Variants in DOCK5 observed in about 807,000 individuals in gnomAD.
DOCK5 encodes the protein dedicator of cytokinesis protein 5.
DOCK5 carries 142 observed loss-of-function variants against 251.8 expected under a neutral mutation model. The ratio of observed to expected loss-of-function variants is 0.56; its 90% CI spans 0.49 to 0.65. DOCK5 has a LOEUF of 0.65. Among genes scored for constraint, DOCK5 ranks in the 30% least tolerant of loss-of-function variants. The pLI is 0.00. For synonymous variants in DOCK5, 842 were observed against 835.5 expected, an observed-to-expected ratio of 1.01 and a Z score of -0.13; for missense variants, 2,111 against 2,312.3, an observed-to-expected ratio of 0.91 and a Z score of 1.79.
intron 33 of DOCK5, 57 bp downstream of exon 33, chr8:25,368,782 T>G (rs971668933): frequency 2.2e-5 from 33 of 1,520,194 alleles, no homozygotes; most frequent in Non-Finnish European, 2.9e-5. Context: ...AAATCATAAC[T>G]CATTTCTTTC....
rs753555282 is a variant in DOCK5, at chr8:25,351,813, A to T, written c.2837A>T (p.Gln946Leu). The change falls in exon 27 of 52, where the codon CAG becomes CTG. Residue 946 changes from glutamine (Q) to leucine (L), a missense_variant. Around this residue, in one of 3 missense-constraint regions of DOCK5, gnomAD observed 1,717 missense variants for 1,892.4 expected, o/e 0.91. Transcript: ENST00000276440. Reference protein sequence around the residue: ...INRTVIGMNRQSPHIGSFVAC... With the variant: ...INRTVIGMNRLSPHIGSFVAC... ...CGGACAGTGATTGGGATGAACCGGC[A>T]GTCTCCCCACATCGTGAGTATCTCT... The T allele has an allele frequency of 2.6e-5, 42 of 1,613,648 alleles. No homozygotes were observed. Among genetic ancestry groups the T allele is most frequent in the Admixed American group, 8.3e-5 (5 of 59,974 alleles).
chr8:25,236,797 C>T (rs754556122), intron 1 of DOCK5, among the ~76,000 whole-genome samples: 1 of 151,578 alleles, frequency 6.6e-6, no homozygotes, highest in Non-Finnish European at 1.5e-5. Context: ...TGGGGTTTTA[C>T]CATGTTGGCC....
chr8:25,275,317 G>C, intron 3 of DOCK5, 69 bp from the exon 4 acceptor site: 1 of 1,307,938 alleles, frequency 7.6e-7, no homozygotes, highest in South Asian at 1.3e-5. Flanking sequence ...TTTACTTTGG[G>C]CTGAGGTGTT....
At chr8:25,271,426 C>T (rs1168303481) in intron 3 of DOCK5, among the ~76,000 whole-genome samples, 3 of 152,146 alleles carry the variant, frequency 2.0e-5, no homozygotes, top group Non-Finnish European at 4.4e-5. Flanking sequence ...GAATTCTGCT[C>T]TGCTTTTGAC....
chr8:25,188,707 T>C (rs998015065), intron 1 of DOCK5, among the ~76,000 whole-genome samples: 1 of 152,224 alleles, frequency 6.6e-6, no homozygotes, highest in African/African-American at 2.4e-5. Context: ...GTGAAGTGAC[T>C]GATCTATTTG....
chr8:25,242,163 AC>A (rs1802971365), intron 1 of DOCK5, among the ~76,000 whole-genome samples: 1 of 152,026 alleles, frequency 6.6e-6, no homozygotes, highest in Non-Finnish European at 1.5e-5. Flanking sequence ...TAAAAAAAAA[AC>A]CTTAACTTAA....
intron 45 of DOCK5, among the ~76,000 whole-genome samples, chr8:25,399,375 T>C (rs967159553): frequency 1.3e-5 from 2 of 152,226 alleles, no homozygotes; most frequent in African/African-American, 4.8e-5. Flanking sequence ...TCTCATTTTC[T>C]TTTTAAAATA....
chr8:25,306,274 C>T (rs55740669), intron 11 of DOCK5, among the ~76,000 whole-genome samples: 2 of 152,166 alleles, frequency 1.3e-5, no homozygotes, highest in East Asian at 3.8e-4. Context: ...TAGCACAGTG[C>T]TAAAGTTAAT....
chr8:25,217,481 G>T (rs1042589060), intron 1 of DOCK5, among the ~76,000 whole-genome samples: 9 of 152,078 alleles, frequency 5.9e-5, no homozygotes, highest in Admixed American at 1.3e-4. Flanking sequence ...TTCACTTGTT[G>T]GAGAGTTTGA....
intron 1 of DOCK5, among the ~76,000 whole-genome samples, chr8:25,236,939 A>G (rs891080964): frequency 1.3e-5 from 2 of 152,142 alleles, no homozygotes; most frequent in Admixed American, 1.3e-4. Flanking sequence ...TATGTCTCCA[A>G]TGGGTATCTC....
chr8:25,307,641 G>A (rs1034988648), intron 11 of DOCK5, among the ~76,000 whole-genome samples: 1 of 152,142 alleles, frequency 6.6e-6, no homozygotes, highest in Non-Finnish European at 1.5e-5. Flanking sequence ...TTTGCTGGTG[G>A]TGATGTGCCT....
chr8:25,287,208 C>T (rs191684966), intron 5 of DOCK5, among the ~76,000 whole-genome samples: 1 of 152,266 alleles, frequency 6.6e-6, no homozygotes, highest in Non-Finnish European at 1.5e-5. Flanking sequence ...GGGAGGATCA[C>T]CTAAGGTCAG....
intron 50 of DOCK5, chr8:25,409,412 A>G: frequency 5.8e-6 from 1 of 173,528 alleles, no homozygotes; most frequent in Non-Finnish European, 1.3e-5. Flanking sequence ...GACAATTGTC[A>G]ACCAAGAGTT....
intron 12 of DOCK5, among the ~76,000 whole-genome samples, chr8:25,310,041 T>C (rs1805046873): frequency 1.3e-5 from 2 of 152,232 alleles, no homozygotes; most frequent in Admixed American, 1.3e-4. Context: ...TGATTTGTTA[T>C]GCCTCTTTTG....
At chr8:25,240,329 TCCA>T (rs1163392392) in intron 1 of DOCK5, among the ~76,000 whole-genome samples, 1 of 150,912 alleles carries the variant, frequency 6.6e-6, no homozygotes. Flanking sequence ...TACCATAAAA[TCCA>T]CCCGTTTTAA....
chr8:25,301,163 A>G (rs976643454), intron 9 of DOCK5, among the ~76,000 whole-genome samples: 3 of 152,272 alleles, frequency 2.0e-5, no homozygotes, highest in African/African-American at 7.2e-5. Flanking sequence ...ACTTATGTAT[A>G]GGAAAAAACA....
chr8:25,248,640 A>G (rs1379747703), intron 2 of DOCK5, among the ~76,000 whole-genome samples: 2 of 152,018 alleles, frequency 1.3e-5, no homozygotes, highest in Non-Finnish European at 2.9e-5. Flanking sequence ...GGGACAGAAT[A>G]CTATTTTTGA....
Position 25,377,420 on chromosome 8 carries a change from G to A in DOCK5, c.3932G>A (p.Gly1311Asp). Residue 1311 changes from glycine to aspartate, a missense_variant, in exon 38 of 52, where the codon GGC becomes GAC. Transcript: ENST00000276440. ...YQEIISYFDK[G>D]KMWEKAIKLS... The stretch of plus-strand genomic sequence containing the variant: ...GAAATCATATCATATTTCGACAAAG[G>A]CAAAGTGAGTATTGGATTGTTTTTG... 1 of 1,613,198 alleles carries A rather than the reference G, an allele frequency of 6.2e-7. No individual in the cohort carries two copies. The highest frequency in any genetic ancestry group is 8.5e-7 in the Non-Finnish European group (1 of 1,179,510).
chr8:25,186,841 A>G (rs546427585), intron 1 of DOCK5, among the ~76,000 whole-genome samples: 3 of 152,298 alleles, frequency 2.0e-5, no homozygotes, highest in East Asian at 1.9e-4. Flanking sequence ...AGGAGCAAGT[A>G]TAATTGTTTT....
Sources: gnomAD v4.1 joint callset for allele counts (sites outside exome capture counted in the v4.1 genomes callset) on GRCh38, gnomAD v4.1.1 for gene constraint, gnomAD v4.1.1 regional missense constraint, MANE v1.5 for transcripts, NCBI Gene and HGNC (gene_info 2026-07-23, HGNC 2026-07-21) for gene names.